DZIP1: variants seen among roughly 807,000 people sequenced by gnomAD.
DZIP1 encodes the protein DAZ interacting zinc finger protein 1, also known as cilium assembly protein DZIP1.
DZIP1 carries 97 observed loss-of-function variants against 107.6 expected under a neutral mutation model. The observed-to-expected ratio is 0.90, with a 90% CI of 0.77 to 1.07. The LOEUF (loss-of-function observed/expected upper bound fraction) is 1.07, where lower values mean the gene tolerates loss of function less well. Among genes scored for constraint, DZIP1 ranks in the 50% least tolerant of loss-of-function variants. DZIP1 has a pLI of 0.00. For missense variants in DZIP1, 1,035 were observed against 1,063.6 expected (o/e 0.97, Z 0.37); for synonymous variants, 390 against 386.4 (o/e 1.01, Z -0.11).
chr13:95,599,465 C>G (rs775429053), intron 14 of DZIP1, 41 bp from the exon 15 acceptor site: 1 of 1,489,550 alleles, frequency 6.7e-7, no homozygotes, highest in South Asian at 1.1e-5. Flanking sequence ...AACAGGACAA[C>G]AGCAAAGTTA....
At chr13:95,636,166 C>A (rs1877784823) in intron 5 of DZIP1, among the ~76,000 whole-genome samples, 2 of 130,384 alleles carry the variant, frequency 1.5e-5, no homozygotes, top group Admixed American at 7.8e-5. Context: ...TTTAAAAAAC[C>A]AGAATGAGTT....
intron 10 of DZIP1, among the ~76,000 whole-genome samples, chr13:95,619,418 A>G (rs148532232): frequency 3.3e-5 from 5 of 152,218 alleles, no homozygotes; most frequent in Non-Finnish European, 5.9e-5. Flanking sequence ...ATACCTGCCA[A>G]CCTACTCTTA....
At chr13:95,637,309 G>A (rs1271655977) in intron 5 of DZIP1, 1 of 152,194 alleles carries the variant, frequency 6.6e-6, no homozygotes, top group Non-Finnish European at 1.5e-5. Context: ...GTAAGAGAAT[G>A]TGAATGTTAC....
chr13:95,636,268 T>A (rs182664611), intron 5 of DZIP1, among the ~76,000 whole-genome samples: 20 of 148,764 alleles, frequency 1.3e-4, no homozygotes, highest in Non-Finnish European at 2.2e-4. Context: ...TAGGGCCGGG[T>A]GCAGTGGCTC....
Position 95,587,674 on chromosome 13 carries a change from A to G in DZIP1, c.2083T>C (p.Tyr695His), listed in dbSNP as rs141127846. The part of the protein sequence containing the change: ...EQEDDDLIRA[Y>H]ASPGPLPVPP... ...ACAGGAAGTGGGCCTGGGGATGCGTATGCCCGGATGAGGTCGTCGTCCTCC... is the reference window on the plus strand; with the variant it reads ...ACAGGAAGTGGGCCTGGGGATGCGTGTGCCCGGATGAGGTCGTCGTCCTCC... The change falls in exon 20 of 23, where the codon TAC (tyrosine) becomes CAC (histidine). Residue 695 changes from tyrosine (Y) to histidine (H), a missense_variant. Physicochemically the swap from Tyr to His is moderately conservative, Grantham distance 83. Coordinates refer to ENST00000376829, the MANE Select transcript of DZIP1 (RefSeq NM_198968.4). The G allele has an allele frequency of 6.8e-6, 11 of 1,613,970 alleles. No individual in the cohort carries two copies. Among genetic ancestry groups the G allele is most frequent in the Non-Finnish European group, 2.5e-6 (3 of 1,180,022 alleles).
chr13:95,629,224 G>C (rs1876908290), intron 7 of DZIP1, among the ~76,000 whole-genome samples: 1 of 152,168 alleles, frequency 6.6e-6, no homozygotes, highest in Admixed American at 6.5e-5. Flanking sequence ...TCTCCATTAG[G>C]TACACCAAGG....
chr13:95,626,097 A>T (rs959967266), intron 7 of DZIP1, among the ~76,000 whole-genome samples: 7 of 152,118 alleles, frequency 4.6e-5, no homozygotes, highest in Admixed American at 3.9e-4. Context: ...GTGCCACTGC[A>T]CTCCAGCCTG....
At chr13:95,638,842 G>A (rs1196167440) in intron 5 of DZIP1, among the ~76,000 whole-genome samples, 1 of 152,198 alleles carries the variant, frequency 6.6e-6, no homozygotes, top group African/African-American at 2.4e-5. Flanking sequence ...GAATGAGAAT[G>A]AGACCACAAT....
intron 7 of DZIP1, among the ~76,000 whole-genome samples, chr13:95,627,846 T>C (rs954118034): frequency 1.3e-5 from 2 of 152,196 alleles, no homozygotes; most frequent in Admixed American, 6.5e-5. Context: ...ATGTTTATAG[T>C]AGCATTATTC....
chr13:95,620,088 C>T (rs1288172545), intron 9 of DZIP1, 141 bp from the exon 10 acceptor site: 9 of 788,824 alleles, frequency 1.1e-5, no homozygotes, highest in East Asian at 2.7e-5. Flanking sequence ...GTTTGGCTCT[C>T]GGTCCCCACT....
Position 95,580,573 on chromosome 13 carries a change from ACT to A in DZIP1, c.*1659_*1660del, listed in dbSNP as rs2043999420. On this transcript the variant is annotated 3_prime_UTR_variant, in exon 23 of 23. Transcript: ENST00000376829. Reference sequence around the variant, plus strand: ...ATGGCTTCTGGCAACTTACTTAATAACTCTGTTTCTCACACCTTTAGGATGAG... The same window carrying A: ...ATGGCTTCTGGCAACTTACTTAATAACTGTTTCTCACACCTTTAGGATGAG... The A allele has an allele frequency of 2.0e-5, 3 of 152,180 alleles. No individual in the cohort carries two copies. In the South Asian group the frequency reaches 6.2e-4, roughly 32 times the overall value. 9.4% of individuals were successfully genotyped at this position (152,180 alleles called of 1,614,324 possible).
At chr13:95,622,302 A>C (rs1052508948) in intron 9 of DZIP1, 41 bp downstream of exon 9, 2 of 1,612,738 alleles carry the variant, frequency 1.2e-6, no homozygotes, top group African/African-American at 2.7e-5. Context: ...CACTAAGAAA[A>C]AGGAAGGCAT....
intron 22 of DZIP1, among the ~76,000 whole-genome samples, chr13:95,583,535 A>G (rs1248538331): frequency 6.6e-6 from 1 of 152,200 alleles, no homozygotes; most frequent in African/African-American, 2.4e-5. Flanking sequence ...CTTTGACAAA[A>G]AAATTACAAT....
chr13:95,599,531 T>C lies in DZIP1; in HGVS notation c.1478-107A>G, dbSNP rs1267281450. ...ATATCATTCCATGGTATTTTAGTCA[T>C]GCCTGAATAGCAAGAATTTACTGAG... On this transcript the variant is annotated intron_variant, in intron 14 of 22. Transcript: ENST00000376829. 4.1e-6 allele frequency: 4 copies of C among 978,206 alleles called. No individual in the cohort carries two copies. In the African/African-American group the frequency reaches 4.9e-5, roughly 12 times the overall value. 60.6% of individuals were successfully genotyped at this position (978,206 alleles called of 1,614,324 possible). A position where few individuals can be genotyped will look rare whatever the true frequency, so the allele number is the denominator to read the frequency against.
intron 5 of DZIP1, among the ~76,000 whole-genome samples, chr13:95,636,612 T>C (rs1338514093): frequency 6.7e-6 from 1 of 149,646 alleles, no homozygotes; most frequent in African/African-American, 2.5e-5. Context: ...TGTTGAAAAC[T>C]GAATTGCTCA....
intron 21 of DZIP1, among the ~76,000 whole-genome samples, chr13:95,585,187 T>C (rs572035520): frequency 5.8e-4 from 88 of 152,318 alleles, no homozygotes; most frequent in African/African-American, 2.0e-3. Flanking sequence ...AATACTACAC[T>C]GTAGCGGTAT....
chr13:95,641,258 A>G lies in DZIP1; in HGVS notation c.597+37T>C. ...CTATCAAATGGGAACTGAGTTGTTT[A>G]CTGGATTATGAATCGTGCTCACACA... On this transcript the variant is annotated intron_variant, in intron 5 of 22. Coordinates refer to ENST00000376829, the MANE Select transcript of DZIP1 (RefSeq NM_198968.4). This position sits in a 1 kb window ranked among gnomAD's most constrained non-coding sequence, Gnocchi z 4.3. 6.5e-7 allele frequency: 1 copy of G among 1,532,958 alleles called. No homozygotes were observed. The highest frequency in any genetic ancestry group is 8.8e-7 in the Non-Finnish European group (1 of 1,136,892). The allele number at this position is 1,532,958 out of a possible 1,614,324, so 95.0% of individuals were successfully genotyped here.
At chr13:95,625,890 C>T (rs1034252742) in intron 7 of DZIP1, among the ~76,000 whole-genome samples, 2 of 151,444 alleles carry the variant, frequency 1.3e-5, no homozygotes, top group African/African-American at 2.4e-5. Flanking sequence ...TGGGAGGCCA[C>T]GGTGGAACGA....
At position 95,641,318 on chromosome 13, in the gene DZIP1, C is replaced by A; in HGVS notation, c.574G>T (p.Glu192Ter). Reference protein sequence around the residue: ...KMISTQQLMIEAKANYYQCHF... With the variant: ...KMISTQQLMI ...ACCTGGTAATAGTTGGCTTTGGCCT[C>A]GATCATCAGCTGCTGGGTGGAGATC... Residue 192 changes from glutamate to a stop codon, truncating the protein, a stop_gained, in exon 5 of 23, where the codon GAG (glutamate) becomes TAG (stop). Transcript: ENST00000376829. LOFTEE classifies it high-confidence loss of function. This position sits in a 1 kb window ranked among gnomAD's most constrained non-coding sequence, Gnocchi z 4.3. The A allele has an allele frequency of 6.3e-7, 1 of 1,596,662 alleles. No homozygotes were observed. The highest frequency in any genetic ancestry group is 8.6e-7 in the Non-Finnish European group (1 of 1,167,434).
Sources: allele counts gnomAD v4.1 joint callset (sites outside exome capture counted in the v4.1 genomes callset), GRCh38; gene constraint gnomAD v4.1.1; non-coding constraint Gnocchi (gnomAD v3.1); transcripts MANE v1.5; gene names NCBI Gene and HGNC (gene_info 2026-07-23, HGNC 2026-07-21).